BICDL1: variants seen among roughly 807,000 people sequenced by gnomAD.
BICDL1 encodes the protein BICD family-like cargo adapter 1.
A neutral mutation model predicts 76.8 loss-of-function variants in BICDL1; 20 were observed. That is an observed-to-expected ratio of 0.26 (90% CI 0.18 to 0.38). The LOEUF (loss-of-function observed/expected upper bound fraction) is 0.38. BICDL1 is among the 10% of genes least tolerant of loss of function. The probability of loss-of-function intolerance (pLI) is 1.00; values close to 1 mark genes in which losing one functional copy is unlikely to be tolerated. For missense variants in BICDL1, 700 were observed against 798.6 expected, an observed-to-expected ratio of 0.88 and a Z score of 1.49; for synonymous variants, 383 against 337.1, an observed-to-expected ratio of 1.14 and a Z score of -1.49.
intron 2 of BICDL1, among the ~76,000 whole-genome samples, chr12:120,020,478 C>G (rs1356058973): frequency 6.6e-6 from 1 of 152,054 alleles, no homozygotes; most frequent in East Asian, 1.9e-4. Flanking sequence ...ACTCCTTACT[C>G]TAAATATTGA....
intron 8 of BICDL1, among the ~76,000 whole-genome samples, chr12:120,085,787 A>G (rs1464951230): frequency 7.1e-6 from 1 of 141,270 alleles, no homozygotes; most frequent in Non-Finnish European, 1.5e-5. Flanking sequence ...ATGACAGAGC[A>G]AGATCCTGCC....
intron 2 of BICDL1, among the ~76,000 whole-genome samples, chr12:120,015,598 CAG>C (rs573308339): frequency 3.2e-4 from 49 of 152,318 alleles, no homozygotes; most frequent in African/African-American, 3.6e-4. Context: ...ACTGTGCACT[CAG>C]GGCACCTCCC....
At chr12:120,051,589 GA>G (rs1952860926) in intron 2 of BICDL1, among the ~76,000 whole-genome samples, 1 of 152,024 alleles carries the variant, frequency 6.6e-6, no homozygotes, top group South Asian at 2.1e-4. Context: ...CTCCAAAGAG[GA>G]TTTGCGTTTT....
At chr12:120,091,795 GGGA>G (rs1419441248) in intron 9 of BICDL1, 11 of 985,264 alleles carry the variant, frequency 1.1e-5, no homozygotes, top group African/African-American at 1.7e-5. Context: ...ATGGGTGGGA[GGGA>G]GGAGGAGTGG....
chr12:120,058,257 T>G (rs1953023801), intron 2 of BICDL1, among the ~76,000 whole-genome samples: 1 of 152,244 alleles, frequency 6.6e-6, no homozygotes, highest in South Asian at 2.1e-4. Context: ...AGCTTAGTGC[T>G]TAACAGCTTA....
chr12:120,043,510 T>G (rs1350820494), intron 2 of BICDL1, among the ~76,000 whole-genome samples: 4 of 152,222 alleles, frequency 2.6e-5, no homozygotes, highest in Non-Finnish European at 2.9e-5. Context: ...GGTGAGGGTA[T>G]AGGTAGAAAC....
At chr12:120,017,665 A>G (rs1345551982) in intron 2 of BICDL1, among the ~76,000 whole-genome samples, 1 of 152,040 alleles carries the variant, frequency 6.6e-6, no homozygotes, top group Non-Finnish European at 1.5e-5. Context: ...CCAGGAGTTC[A>G]AGGTTGCAGT....
chr12:120,080,302 A>T (rs1482906835), intron 7 of BICDL1, among the ~76,000 whole-genome samples: 1 of 152,212 alleles, frequency 6.6e-6, no homozygotes, highest in East Asian at 1.9e-4. Flanking sequence ...GGGCCACAGA[A>T]AAGGTAACAG....
chr12:120,074,371 A>ATCTC (rs1280532982), intron 6 of BICDL1, 72 bp from the exon 7 acceptor site: 1 of 972,448 alleles, frequency 1.0e-6, no homozygotes, highest in East Asian at 1.1e-4. Flanking sequence ...CCGACTAACC[A>ATCTC]TCTCTCTCCC....
intron 2 of BICDL1, among the ~76,000 whole-genome samples, chr12:120,040,886 T>C (rs964083651): frequency 6.6e-6 from 1 of 151,972 alleles, no homozygotes; most frequent in African/African-American, 2.4e-5. Context: ...TAGCTTGGAT[T>C]ACAGGCATGT....
chr12:120,094,258 C>T lies in BICDL1; in HGVS notation c.*1097C>T. The T allele has an allele frequency of 4.4e-6, 2 of 456,804 alleles. No individual in the cohort carries two copies. Among genetic ancestry groups the T allele is most frequent in the Non-Finnish European group, 4.4e-6 (1 of 226,990 alleles). 28.3% of individuals were successfully genotyped at this position (456,804 alleles called of 1,614,324 possible). A position where few individuals can be genotyped will look rare whatever the true frequency, so the allele number is the denominator to read the frequency against. On this transcript the variant is annotated 3_prime_UTR_variant, in exon 10 of 10. Coordinates refer to ENST00000548673, the MANE Select transcript of BICDL1 (RefSeq NM_001367886.1). ...AGCCCTCAGCTGCTCACAACCGATT[C>T]AGTCTCCCTCCCTCCCTCACGTGGG...
intron 2 of BICDL1, among the ~76,000 whole-genome samples, chr12:120,055,175 A>G (rs7298081): frequency 0.056 from 8,483 of 152,282 alleles, 470 homozygotes; most frequent in African/African-American, 0.14. Context: ...GTAAAACTCA[A>G]TTATTCAGGC....
At chr12:120,055,984 A>G (rs1417126293) in intron 2 of BICDL1, among the ~76,000 whole-genome samples, 2 of 152,244 alleles carry the variant, frequency 1.3e-5, no homozygotes, top group East Asian at 1.9e-4. Flanking sequence ...AGCAATGTTC[A>G]TAATAGCAAA....
At chr12:120,011,203 T>G (rs982783621) in intron 2 of BICDL1, among the ~76,000 whole-genome samples, 1 of 152,182 alleles carries the variant, frequency 6.6e-6, no homozygotes, top group South Asian at 2.1e-4. Flanking sequence ...AAGATTTCTG[T>G]GGGCTATGCC....
At chr12:120,075,229 C>T (rs1352259725) in intron 7 of BICDL1, among the ~76,000 whole-genome samples, 1 of 152,126 alleles carries the variant, frequency 6.6e-6, no homozygotes, top group Middle Eastern at 3.2e-3. Context: ...TTCTGTGCTG[C>T]TTGGGAGTAG....
intron 1 of BICDL1, among the ~76,000 whole-genome samples, chr12:119,994,220 T>G (rs546467418): frequency 6.6e-6 from 1 of 152,284 alleles, no homozygotes; most frequent in East Asian, 1.9e-4. Flanking sequence ...CCAGTACTGT[T>G]TTTTTAAGAG....
In BICDL1 at chr12:120,015,023, T is replaced by C. The variant is rs190106205; in HGVS notation, c.645+16287T>C. ...CAGTGGGAGAGACAGACAAATCTTA[T>C]GAGAGTCAGGGAAAGTGACAAAGCT... On this transcript the variant is annotated intron_variant, in intron 2 of 9. Transcript: ENST00000548673. Among the ~76,000 whole-genome samples the C allele has an allele frequency of 2.4e-3, 362 of 152,212 alleles. 2 individuals are homozygous for C. Among genetic ancestry groups the C allele is most frequent in the Admixed American group, 0.018 (274 of 15,296 alleles).
intron 4 of BICDL1, among the ~76,000 whole-genome samples, chr12:120,068,688 T>C (rs1872846389): frequency 6.6e-6 from 1 of 152,200 alleles, no homozygotes; most frequent in African/African-American, 2.4e-5. Context: ...TGGCGGCGCA[T>C]GCCTGTGGTC....
chr12:120,082,312 GC>G (rs552624535), intron 8 of BICDL1, among the ~76,000 whole-genome samples: 113 of 149,740 alleles, frequency 7.5e-4, no homozygotes, highest in African/African-American at 2.7e-3. Context: ...GAGTGCAGTG[GC>G]ATGATCTTGG....
Sources: gnomAD v4.1 joint callset for allele counts (sites outside exome capture counted in the v4.1 genomes callset) on GRCh38, gnomAD v4.1.1 for gene constraint, MANE v1.5 for transcripts, NCBI Gene and HGNC (gene_info 2026-07-23, HGNC 2026-07-21) for gene names.